Variants in KIF21B observed in about 807,000 individuals in gnomAD.
KIF21B encodes kinesin-like protein KIF21B.
A neutral mutation model predicts 192.9 loss-of-function variants in KIF21B; 85 were observed. The observed-to-expected ratio is 0.44, with a 90% CI of 0.37 to 0.53. The LOEUF is 0.53. Ranked by LOEUF, KIF21B falls within the 20% of genes least tolerant of loss-of-function variation. The pLI is 0.00. For synonymous variants in KIF21B, 832 were observed against 884.6 expected (o/e 0.94, Z 1.05); for missense variants, 1,716 against 2,194.8 (o/e 0.78, Z 4.36).
rs577419794 is a variant in KIF21B, at chr1:200,975,154, G to A, written c.4615-241C>T. 6.6e-6 allele frequency among the ~76,000 whole-genome samples: 1 copy of A among 152,148 alleles called. No homozygotes were observed. Among genetic ancestry groups the A allele is most frequent in the East Asian group, 1.9e-4 (1 of 5,182 alleles). On this transcript the variant is annotated intron_variant, in intron 33 of 34. Coordinates refer to ENST00000461742, the MANE Select transcript of KIF21B (RefSeq NM_001252102.2). This position sits in a 1 kb window ranked among gnomAD's most constrained non-coding sequence, Gnocchi z 4.3. Reference sequence around the variant, plus strand: ...AGGTTCAAGCCTAAGATCCTGCCCTGGCAGAGAACCCTTCAGCCCTCACAC... The same window carrying A: ...AGGTTCAAGCCTAAGATCCTGCCCTAGCAGAGAACCCTTCAGCCCTCACAC...
At chr1:201,005,235 T>C in intron 5 of KIF21B, 73 bp downstream of exon 5, 1 of 1,490,156 alleles carries the variant, frequency 6.7e-7, no homozygotes, top group South Asian at 1.3e-5. Context: ...TCTGAATCTG[T>C]GGCTCCTCAT....
chr1:200,998,236 G>T lies in KIF21B; in HGVS notation c.2077+148C>A. ...GGGTTAGACGTAAGAACCTTTAACT[G>T]TGGGTCAAAGGACCACAGTCAAAGG... On this transcript the variant is annotated intron_variant, in intron 14 of 34. Coordinates refer to ENST00000461742, the MANE Select transcript of KIF21B (RefSeq NM_001252102.2). The surrounding 1 kb of genome is among the most constrained non-coding windows in gnomAD (Gnocchi z 4.3). 1 of 713,422 alleles carries T rather than the reference G, an allele frequency of 1.4e-6. No individual in the cohort carries two copies. Among genetic ancestry groups the T allele is most frequent in the Non-Finnish European group, 2.4e-6 (1 of 423,198 alleles). The allele number at this position is 713,422 out of a possible 1,614,324, so 44.2% of individuals were successfully genotyped here.
chr1:201,012,845 T>C (rs1658313295), intron 1 of KIF21B, among the ~76,000 whole-genome samples: 2 of 152,160 alleles, frequency 1.3e-5, no homozygotes, highest in Admixed American at 1.3e-4. Flanking sequence ...CGTTTTGCCA[T>C]GTTGCCCAGG....
intron 1 of KIF21B, among the ~76,000 whole-genome samples, chr1:201,022,417 C>G (rs1360025529): frequency 6.6e-6 from 1 of 152,216 alleles, no homozygotes; most frequent in East Asian, 1.9e-4. Context: ...CGCCAAGACA[C>G]CCCTCTCAAA....
Position 200,976,907 on chromosome 1 carries a change from A to C in KIF21B, c.4326-14T>G. 2.5e-6 allele frequency: 4 copies of C among 1,578,502 alleles called. No individual in the cohort carries two copies. Among genetic ancestry groups the C allele is most frequent in the Middle Eastern group, 1.9e-4 (1 of 5,372 alleles). On this transcript the variant is annotated splice_polypyrimidine_tract_variant and intron_variant, in intron 31 of 34. Transcript: ENST00000461742. ...ACAGGCTGGAACCTGCAGTGGGAAG[A>C]GGCCCAGCCAGGGGTAGGTGAATTA...
chr1:201,007,521 G>A (rs1362110011), intron 3 of KIF21B, among the ~76,000 whole-genome samples: 1 of 125,154 alleles, frequency 8.0e-6, no homozygotes, highest in Non-Finnish European at 1.7e-5. Flanking sequence ...TACACACACA[G>A]AGACACACAG....
In KIF21B at chr1:200,991,088, A is replaced by G. The variant is rs746591322; in HGVS notation, c.2516T>C (p.Leu839Pro). 6.2e-6 allele frequency: 10 copies of G among 1,613,870 alleles called. No individual in the cohort carries two copies. The highest frequency in any genetic ancestry group is 7.6e-6 in the Non-Finnish European group (9 of 1,180,014). ...MSERVAGRAGLKPPMLDSGAE... is the reference protein window; with the variant it reads ...MSERVAGRAGPKPPMLDSGAE... ...CCCAGAGTCCAGCATGGGTGGCTTT[A>G]GTCCTGCACGCCCTGCCACCCGCTC... The change falls in exon 18 of 35, where the codon CTA (leucine) becomes CCA (proline). Residue 839 changes from leucine to proline, a missense_variant. Leu to Pro is a moderately conservative substitution (Grantham distance 98). Transcript: ENST00000461742.
Position 201,000,023 on chromosome 1 carries a change from G to A in KIF21B, c.1686-59C>T. On this transcript the variant is annotated intron_variant, in intron 11 of 34. Transcript: ENST00000461742. This position sits in a 1 kb window ranked among gnomAD's most constrained non-coding sequence, Gnocchi z 6.0. Reference sequence around the variant, plus strand: ...AGGCTGCCCCTGCCCTGAGCACATGGGCAGGACGGCGGCAGCGGCAGAAAA... The same window carrying A: ...AGGCTGCCCCTGCCCTGAGCACATGAGCAGGACGGCGGCAGCGGCAGAAAA... The A allele has an allele frequency of 1.4e-6, 2 of 1,479,276 alleles. No homozygotes were observed. Among genetic ancestry groups the A allele is most frequent in the South Asian group, 2.3e-5 (2 of 88,460 alleles). The allele number at this position is 1,479,276 out of a possible 1,614,324, so 91.6% of individuals were successfully genotyped here. A position where few individuals can be genotyped will look rare whatever the true frequency, so the allele number is the denominator to read the frequency against.
At chr1:200,991,542 C>G in intron 17 of KIF21B, 115 bp downstream of exon 17, 1 of 1,082,374 alleles carries the variant, frequency 9.2e-7, no homozygotes, top group Non-Finnish European at 1.4e-6. Context: ...GGAAATACCG[C>G]CTTTATTCCA....
intron 30 of KIF21B, 150 bp from the exon 31 acceptor site, chr1:200,977,526 C>T: frequency 1.0e-6 from 1 of 956,062 alleles, no homozygotes; most frequent in East Asian, 2.7e-5. Context: ...TAGCTTCTCC[C>T]ATAAGTGAGA....
Position 200,987,113 on chromosome 1 carries a change from TTGG to T in KIF21B, c.3494_3496del (p.Thr1165del). On this transcript the variant is annotated inframe_deletion, in exon 25 of 35. Transcript: ENST00000461742. Reference sequence around the variant, plus strand: ...GATCTCAACGAGGGAGGCCAGGGACTTGGTGATGTTCTTGGTGGAGATATCCAG... The same window carrying T: ...GATCTCAACGAGGGAGGCCAGGGACTTGATGTTCTTGGTGGAGATATCCAG... 6.2e-7 allele frequency: 1 copy of T among 1,613,978 alleles called. No individual in the cohort carries two copies. The highest frequency in any genetic ancestry group is 8.5e-7 in the Non-Finnish European group (1 of 1,180,010).
At chr1:201,003,879 A>ACTAC in intron 7 of KIF21B, 98 bp from the exon 8 acceptor site, 1 of 1,262,208 alleles carries the variant, frequency 7.9e-7, no homozygotes, top group Non-Finnish European at 1.1e-6. Flanking sequence ...CCATTCCCCC[A>ACTAC]CTACCTTAAT....
intron 1 of KIF21B, among the ~76,000 whole-genome samples, chr1:201,012,652 T>TATGTATGTATGC (rs1658304067): frequency 6.6e-6 from 1 of 152,052 alleles, no homozygotes; most frequent in African/African-American, 2.4e-5. Flanking sequence ...TGTATGTATG[T>TATGTATGTATGC]ATGTTTTTGA....
intron 1 of KIF21B, among the ~76,000 whole-genome samples, chr1:201,020,212 G>T (rs968557464): frequency 6.6e-6 from 1 of 152,196 alleles, no homozygotes; most frequent in African/African-American, 2.4e-5. Context: ...GCTCAGAGCT[G>T]GGGACTTGAA....
chr1:200,977,107 G>A (rs1051319692), intron 31 of KIF21B, 105 bp downstream of exon 31: 1 of 1,343,000 alleles, frequency 7.4e-7, no homozygotes, highest in African/African-American at 1.4e-5. Context: ...GAATAAAGGT[G>A]TTGCTGAGGT....
Position 200,988,491 on chromosome 1 carries a change from A to G in KIF21B, c.3350+2T>C. ...CCTCTCACTCCCAGCTTGCAAACTC[A>G]CCTGCCCTCAGAGAACTCTGAGATC... On this transcript the variant is annotated splice_donor_variant, in intron 23 of 34. Transcript: ENST00000461742. LOFTEE classifies it high-confidence loss of function. The G allele has an allele frequency of 6.9e-7, 1 of 1,444,508 alleles. No individual in the cohort carries two copies. The highest frequency in any genetic ancestry group is 9.3e-7 in the Non-Finnish European group (1 of 1,071,354). 89.5% of individuals were successfully genotyped at this position (1,444,508 alleles called of 1,614,324 possible).
chr1:200,987,783 G>C (rs1422681824), intron 24 of KIF21B, among the ~76,000 whole-genome samples: 1 of 152,196 alleles, frequency 6.6e-6, no homozygotes, highest in East Asian at 1.9e-4. Context: ...TGCATAATTT[G>C]CTATTCCCAG....
At position 200,975,415 on chromosome 1, in the gene KIF21B, AG is replaced by A; in HGVS notation, c.4614+83del. On this transcript the variant is annotated intron_variant, in intron 33 of 34. Transcript: ENST00000461742. This position sits in a 1 kb window ranked among gnomAD's most constrained non-coding sequence, Gnocchi z 4.3. The stretch of plus-strand genomic sequence containing the variant: ...CATCTGGCCTGGGGCCCGCGAGTCC[AG>A]GTCCCAGGGTCTCCAAGGCCCTGCG... 7.7e-7 allele frequency: 1 copy of A among 1,304,638 alleles called. No individual in the cohort carries two copies. Among genetic ancestry groups the A allele is most frequent in the Admixed American group, 2.1e-5 (1 of 47,014 alleles). The allele number at this position is 1,304,638 out of a possible 1,614,324, so 80.8% of individuals were successfully genotyped here.
chr1:200,973,365 C>T lies in KIF21B; in HGVS notation c.*156G>A, dbSNP rs1018029827. The T allele has an allele frequency of 1.1e-6, 1 of 886,536 alleles. No individual in the cohort carries two copies. The highest frequency in any genetic ancestry group is 1.6e-6 in the Non-Finnish European group (1 of 639,922). 54.9% of individuals were successfully genotyped at this position (886,536 alleles called of 1,614,324 possible). On this transcript the variant is annotated 3_prime_UTR_variant, in exon 35 of 35. Coordinates refer to ENST00000461742, the MANE Select transcript of KIF21B (RefSeq NM_001252102.2). ...AGGGGAGGGATGAGGGAACAGTGTC[C>T]TGTGGGAAGGCCAAGGGAGAGGGAG...
Sources: allele counts gnomAD v4.1 joint callset (sites outside exome capture counted in the v4.1 genomes callset), GRCh38; gene constraint gnomAD v4.1.1; non-coding constraint Gnocchi (gnomAD v3.1); transcripts MANE v1.5; gene names NCBI Gene and HGNC (gene_info 2026-07-23, HGNC 2026-07-21).